Variants in MAP2K5 observed in about 807,000 individuals in gnomAD.
MAP2K5 encodes dual specificity mitogen-activated protein kinase kinase 5.
MAP2K5 carries 49 observed loss-of-function variants against 83.1 expected under a neutral mutation model. The ratio of observed to expected loss-of-function variants is 0.59; its 90% CI spans 0.47 to 0.75. MAP2K5 has a LOEUF of 0.75. Among genes scored for constraint, MAP2K5 ranks in the 30% least tolerant of loss-of-function variants. The pLI is 0.00. For synonymous variants in MAP2K5, 202 were observed against 191.8 expected (o/e 1.05, Z -0.44); for missense variants, 457 against 557.5 (o/e 0.82, Z 1.82).
intron 2 of MAP2K5, among the ~76,000 whole-genome samples, chr15:67,551,307 A>G (rs538565379): frequency 1.3e-5 from 2 of 152,276 alleles, no homozygotes; most frequent in African/African-American, 2.4e-5. Flanking sequence ...TGCCCATCAA[A>G]CAAAGTGTTC....
intron 12 of MAP2K5, among the ~76,000 whole-genome samples, chr15:67,663,239 C>T (rs1009797592): frequency 6.6e-6 from 1 of 152,078 alleles, no homozygotes; most frequent in Non-Finnish European, 1.5e-5. Flanking sequence ...ACTCAACAGC[C>T]CTTATTCAAA....
chr15:67,774,227 A>ATC lies in MAP2K5; in HGVS notation c.1242+1479_1242+1480dup, dbSNP rs2090198216. Among the ~76,000 whole-genome samples the ATC allele has an allele frequency of 1.3e-5, 2 of 151,914 alleles. No individual in the cohort carries two copies. Among genetic ancestry groups the ATC allele is most frequent in the Non-Finnish European group, 1.5e-5 (1 of 67,994 alleles). On this transcript the variant is annotated intron_variant, in intron 21 of 21. Coordinates refer to ENST00000178640, the MANE Select transcript of MAP2K5 (RefSeq NM_145160.3). The surrounding 1 kb of genome is among the most constrained non-coding windows in gnomAD (Gnocchi z 4.9). ...TGAGAGAACATAGGTATTTAGATAT[A>ATC]TCTCTTTACAACTCTATACCCTGTT...
chr15:67,553,965 T>C (rs975320027), intron 2 of MAP2K5, among the ~76,000 whole-genome samples: 1 of 150,946 alleles, frequency 6.6e-6, no homozygotes, highest in African/African-American at 2.4e-5. Flanking sequence ...AAGATATAGC[T>C]TATAAGGAAT....
rs1180834100 is a variant in MAP2K5, at chr15:67,755,258, G to T, written c.1134+6657G>T. On this transcript the variant is annotated intron_variant, in intron 19 of 21. Coordinates refer to ENST00000178640, the MANE Select transcript of MAP2K5 (RefSeq NM_145160.3). The surrounding 1 kb of genome is among the most constrained non-coding windows in gnomAD (Gnocchi z 4.7). ...CTCCCAAAGTGCTAAGATTACAGGTGTGAGCCACCACTCCTGGCTTTTAGA... is the reference window on the plus strand; with the variant it reads ...CTCCCAAAGTGCTAAGATTACAGGTTTGAGCCACCACTCCTGGCTTTTAGA... 6.6e-6 allele frequency among the ~76,000 whole-genome samples: 1 copy of T among 152,166 alleles called. No individual in the cohort carries two copies. The highest frequency in any genetic ancestry group is 2.4e-5 in the African/African-American group (1 of 41,436).
At chr15:67,629,155 C>T (rs1265249518) in intron 8 of MAP2K5, 6 of 714,760 alleles carry the variant, frequency 8.4e-6, no homozygotes, top group Non-Finnish European at 1.5e-5. Flanking sequence ...GGAAACAAAG[C>T]GTAGCAAAAG....
At chr15:67,789,681 C>G (rs1347013724) in intron 21 of MAP2K5, among the ~76,000 whole-genome samples, 1 of 151,596 alleles carries the variant, frequency 6.6e-6, no homozygotes, top group Non-Finnish European at 1.5e-5. Flanking sequence ...CACCATTGCA[C>G]TCCAGCCTGA....
chr15:67,771,491 G>T (rs528839470), intron 20 of MAP2K5, among the ~76,000 whole-genome samples: 2 of 152,294 alleles, frequency 1.3e-5, no homozygotes, highest in East Asian at 1.9e-4. Flanking sequence ...CAGAGGGAGG[G>T]ATAACCTGCA....
intron 17 of MAP2K5, among the ~76,000 whole-genome samples, chr15:67,731,975 G>T (rs2089233689): frequency 6.6e-6 from 1 of 152,140 alleles, no homozygotes; most frequent in South Asian, 2.1e-4. Flanking sequence ...TTCTTACCAT[G>T]TATTTAGCAG....
At position 67,722,258 on chromosome 15, in the gene MAP2K5, A is replaced by C. The variant is rs1276783175; in HGVS notation, c.1045-5658A>C. On this transcript the variant is annotated intron_variant, in intron 16 of 21. Transcript: ENST00000178640. This position sits in a 1 kb window ranked among gnomAD's most constrained non-coding sequence, Gnocchi z 4.2. The stretch of plus-strand genomic sequence containing the variant: ...TACATTAAAAATTGAAGCTTTCCTC[A>C]CTCTGAGGCCTTTCAAGGCTTTGTT... Among the ~76,000 whole-genome samples, 1 of 151,634 alleles carries C rather than the reference A, an allele frequency of 6.6e-6. No homozygotes were observed. Among genetic ancestry groups the C allele is most frequent in the East Asian group, 1.9e-4 (1 of 5,180 alleles).
chr15:67,633,729 G>A (rs1320285042), intron 9 of MAP2K5, among the ~76,000 whole-genome samples: 1 of 152,168 alleles, frequency 6.6e-6, no homozygotes, highest in Admixed American at 6.5e-5. Flanking sequence ...ACACTGAATT[G>A]AATGAATGGA....
rs753280075 is a variant in MAP2K5, at chr15:67,658,593, C to T, written c.777C>T (p.Val259=). ...TATATAGGAAAATGCCAGAACATGTCCTTGGAAGAATTGCAGTAGCAGTAA... is the reference window on the plus strand; with the variant it reads ...TATATAGGAAAATGCCAGAACATGTTCTTGGAAGAATTGCAGTAGCAGTAA... ...LDVYRKMPEH[V]LGRIAVAVVK... The change falls in exon 12 of 22, where the codon GTC becomes GTT. Residue 259 remains valine, a synonymous_variant. Coordinates refer to ENST00000178640, the MANE Select transcript of MAP2K5 (RefSeq NM_145160.3). The T allele has an allele frequency of 1.3e-5, 21 of 1,611,988 alleles. No homozygotes were observed. In the South Asian group the frequency reaches 2.0e-4, roughly 15 times the overall value.
At position 67,760,041 on chromosome 15, in the gene MAP2K5, A is replaced by G. The variant is rs545347644; in HGVS notation, c.1135-9561A>G. 2.4e-4 allele frequency among the ~76,000 whole-genome samples: 36 copies of G among 152,392 alleles called. No homozygotes were observed. Among genetic ancestry groups the G allele is most frequent in the African/African-American group, 8.4e-4 (35 of 41,600 alleles). On this transcript the variant is annotated intron_variant, in intron 19 of 21. Coordinates refer to ENST00000178640, the MANE Select transcript of MAP2K5 (RefSeq NM_145160.3). The surrounding 1 kb of genome is among the most constrained non-coding windows in gnomAD (Gnocchi z 4.1). Reference sequence around the variant, plus strand: ...TCCTCTTTTATGTAAGGCAATCTTTAGAAATCTAATACCTTCTTTGAAAAG... The same window carrying G: ...TCCTCTTTTATGTAAGGCAATCTTTGGAAATCTAATACCTTCTTTGAAAAG...
chr15:67,742,515 C>G (rs1176747649), intron 17 of MAP2K5, among the ~76,000 whole-genome samples: 1 of 152,188 alleles, frequency 6.6e-6, no homozygotes, highest in Non-Finnish European at 1.5e-5. Flanking sequence ...CCTCCTTCCC[C>G]CAGCTGCCCC....
rs2087509770 is a variant in MAP2K5 at position 67,670,720 on chromosome 15, C to CA, written c.847+6076dup. ...TTAAAAAACAGCCAGCCAACCCCCC[C>CA]ACCCCAAGAAAAAAAACCAACCCTT... On this transcript the variant is annotated intron_variant, in intron 13 of 21. Transcript: ENST00000178640. Among the ~76,000 whole-genome samples the CA allele has an allele frequency of 2.6e-5, 4 of 151,544 alleles. No individual in the cohort carries two copies. The South Asian group carries it at 8.4e-4, about 32-fold the overall frequency.
rs987831200 is a variant in MAP2K5 at position 67,746,540 on chromosome 15, G to A, written c.1075-1691G>A. 2.0e-5 allele frequency among the ~76,000 whole-genome samples: 3 copies of A among 151,966 alleles called. No homozygotes were observed. Among genetic ancestry groups the A allele is most frequent in the African/African-American group, 7.2e-5 (3 of 41,392 alleles). ...GCTTTTCAGTATTTTTTTAAAGGTA[G>A]TTTGGCTTGTTACTGAAATTCTTAA... On this transcript the variant is annotated intron_variant, in intron 17 of 21. Coordinates refer to ENST00000178640, the MANE Select transcript of MAP2K5 (RefSeq NM_145160.3). This position sits in a 1 kb window ranked among gnomAD's most constrained non-coding sequence, Gnocchi z 4.1.
In MAP2K5 at chr15:67,750,846, C is replaced by T. The variant is rs1217110631; in HGVS notation, c.1134+2245C>T. Among the ~76,000 whole-genome samples the T allele has an allele frequency of 6.6e-6, 1 of 151,872 alleles. No homozygotes were observed. The highest frequency in any genetic ancestry group is 2.4e-5 in the African/African-American group (1 of 41,292). ...TTACTGCTTGGGAGTGGGATTTACC[C>T]CGTTGTGAAGTGGGTATCTGTTGCT... On this transcript the variant is annotated intron_variant, in intron 19 of 21. Transcript: ENST00000178640. This position sits in a 1 kb window ranked among gnomAD's most constrained non-coding sequence, Gnocchi z 4.2.
chr15:67,693,606 CATCTTT>C lies in MAP2K5; in HGVS notation c.972+47_972+52del, dbSNP rs754993109. The C allele has an allele frequency of 5.4e-5, 77 of 1,420,138 alleles. No individual in the cohort carries two copies. The Admixed American group carries it at 1.1e-3, about 21-fold the overall frequency. The allele number at this position is 1,420,138 out of a possible 1,614,324, so 88.0% of individuals were successfully genotyped here. Reference sequence around the variant, plus strand: ...ATGCAAAAATAATGTTTAAAACCAACATCTTTATCTTTATGTACTTGGTAATGTATA... The same window carrying C: ...ATGCAAAAATAATGTTTAAAACCAACATCTTTATGTACTTGGTAATGTATA... On this transcript the variant is annotated intron_variant, in intron 15 of 21. Coordinates refer to ENST00000178640, the MANE Select transcript of MAP2K5 (RefSeq NM_145160.3).
intron 16 of MAP2K5, among the ~76,000 whole-genome samples, chr15:67,726,259 C>T (rs567742510): frequency 2.6e-5 from 4 of 152,254 alleles, no homozygotes; most frequent in East Asian, 3.9e-4. Context: ...AGTCACTTTA[C>T]GAGGTCATAA....
chr15:67,707,788 C>A (rs1219279548), intron 16 of MAP2K5, among the ~76,000 whole-genome samples: 3 of 152,176 alleles, frequency 2.0e-5, no homozygotes, highest in Admixed American at 6.5e-5. Flanking sequence ...AGGATCTCTT[C>A]CCCATTTCCC....
Sources: allele counts gnomAD v4.1 joint callset (sites outside exome capture counted in the v4.1 genomes callset), GRCh38; gene constraint gnomAD v4.1.1; non-coding constraint Gnocchi (gnomAD v3.1); transcripts MANE v1.5; gene names NCBI Gene and HGNC (gene_info 2026-07-23, HGNC 2026-07-21).